ITPRID2: variants seen among roughly 807,000 people sequenced by gnomAD.
ITPRID2 encodes ITPR interacting domain containing 2.
A neutral mutation model predicts 124.3 loss-of-function variants in ITPRID2; 60 were observed. That is an observed-to-expected ratio of 0.48 (90% CI 0.39 to 0.60). The LOEUF (loss-of-function observed/expected upper bound fraction) is 0.60. Among genes scored for constraint, ITPRID2 ranks in the 20% least tolerant of loss-of-function variants. The probability of loss-of-function intolerance (pLI) is 0.00; values close to 1 mark genes in which losing one functional copy is unlikely to be tolerated. For synonymous variants in ITPRID2, 521 were observed against 542.9 expected (o/e 0.96, Z 0.56); for missense variants, 1,553 against 1,512.2 (o/e 1.03, Z -0.45).
At chr2:181,913,779 T>G in intron 9 of ITPRID2, 66 bp from the exon 10 acceptor site, 1 of 1,181,548 alleles carries the variant, frequency 8.5e-7, no homozygotes, top group Non-Finnish European at 1.2e-6. Flanking sequence ...TCTCAGTAAT[T>G]TCTTATAGCC....
chr2:181,917,720 C>T (rs1694181060), intron 11 of ITPRID2: 1 of 152,212 alleles, frequency 6.6e-6, no homozygotes, highest in African/African-American at 2.4e-5. Flanking sequence ...GGATTGTGCA[C>T]AGGTCTCTAA....
chr2:181,916,937 C>T, intron 11 of ITPRID2: 1 of 991,554 alleles, frequency 1.0e-6, no homozygotes, highest in Non-Finnish European at 1.2e-6. Context: ...CGATGCTGTG[C>T]ACAGAGTTAG....
At position 181,918,818 on chromosome 2, in the gene ITPRID2, G is replaced by A. The variant is rs372454015; in HGVS notation, c.2929G>A (p.Asp977Asn). Reference protein sequence around the residue: ...SLNLFRTQMMDLELAMLRQQT... With the variant: ...SLNLFRTQMMNLELAMLRQQT... Reference sequence around the variant, plus strand: ...GAATTTGTTTAGAACACAAATGATGGATTTAGAATTGGCAATGCTGCGTCA... The same window carrying A: ...GAATTTGTTTAGAACACAAATGATGAATTTAGAATTGGCAATGCTGCGTCA... Residue 977 changes from aspartate to asparagine, a missense_variant, in exon 13 of 18, where the codon GAT becomes AAT. Asp to Asn is a conservative substitution (Grantham distance 23). Coordinates refer to ENST00000431877, the MANE Select transcript of ITPRID2 (RefSeq NM_001130445.3). 1.2e-6 allele frequency: 2 copies of A among 1,614,074 alleles called. No individual in the cohort carries two copies. Among genetic ancestry groups the A allele is most frequent in the African/African-American group, 2.7e-5 (2 of 74,944 alleles).
rs1430966183 is a variant in ITPRID2 at position 181,915,899 on chromosome 2, T to C, written c.2259T>C (p.Ser753=). Residue 753 remains serine (S), a synonymous_variant, in exon 11 of 18, where the codon TCT becomes TCC. Transcript: ENST00000431877. ...TGAGCCCAGTAAGGGTTGTGTCCTC[T>C]GTCAATGTTCGATTATCTCCAGGAA... ...TLLSPVRVVS[S]VNVRLSPGKE... 1.9e-6 allele frequency: 3 copies of C among 1,614,242 alleles called. No individual in the cohort carries two copies. Among genetic ancestry groups the C allele is most frequent in the South Asian group, 1.1e-5 (1 of 91,090 alleles).
chr2:181,906,212 ATTG>A (rs1365058448), intron 8 of ITPRID2, among the ~76,000 whole-genome samples: 1 of 152,084 alleles, frequency 6.6e-6, no homozygotes, highest in Non-Finnish European at 1.5e-5. Context: ...CTCATTTGAT[ATTG>A]TTTTATAGCA....
rs757645407 is a variant in ITPRID2 at position 181,913,944 on chromosome 2, C to G, written c.1575+11C>G. On this transcript the variant is annotated intron_variant, in intron 10 of 17. Transcript: ENST00000431877. ...CTTAATCATCTTCAGGTAAAATTTT[C>G]TGTTCTAATAGGCACTATGATTAAC... is the stretch of plus-strand genomic sequence containing the variant. The G allele has an allele frequency of 1.3e-6, 2 of 1,598,182 alleles. No homozygotes were observed. The highest frequency in any genetic ancestry group is 4.5e-5 in the East Asian group (2 of 44,678).
chr2:181,917,824 G>C (rs1157741324), intron 11 of ITPRID2: 1 of 152,132 alleles, frequency 6.6e-6, no homozygotes, highest in African/African-American at 2.4e-5. Flanking sequence ...CGCCCACGTG[G>C]AGTGCTGGAG....
intron 5 of ITPRID2, 28 bp from the exon 6 acceptor site, chr2:181,898,986 G>C (rs765394612): frequency 6.3e-7 from 1 of 1,598,238 alleles, no homozygotes; most frequent in Non-Finnish European, 8.6e-7. Flanking sequence ...AAGTTATAAA[G>C]TTTTATATAA....
Position 181,910,619 on chromosome 2 carries a change from G to A in ITPRID2, c.1486+648G>A, listed in dbSNP as rs770988946. 9 of 704,264 alleles carry A rather than the reference G, an allele frequency of 1.3e-5. 1 individual carries two copies. The highest frequency in any genetic ancestry group is 9.3e-5 in the South Asian group (6 of 64,578). The allele number at this position is 704,264 out of a possible 1,614,324, so 43.6% of individuals were successfully genotyped here. A position where few individuals can be genotyped will look rare whatever the true frequency, so the allele number is the denominator to read the frequency against. ...AAGGGAAAGAGGAAGAAGTGAAAAT[G>A]ACCACTGAAGGTAGGACTGTTTATT... On this transcript the variant is annotated intron_variant, in intron 9 of 17. Transcript: ENST00000431877. The surrounding 1 kb of genome is among the most constrained non-coding windows in gnomAD (Gnocchi z 4.1).
chr2:181,895,283 G>C (rs1040307456), intron 2 of ITPRID2, among the ~76,000 whole-genome samples: 49 of 151,866 alleles, frequency 3.2e-4, no homozygotes, highest in African/African-American at 1.1e-3. Flanking sequence ...TGGTTTCAGA[G>C]AATTAAAAGT....
chr2:181,918,725 G>T lies in ITPRID2; in HGVS notation c.2866-30G>T, dbSNP rs757548406. 4.3e-6 allele frequency: 7 copies of T among 1,613,642 alleles called. No individual in the cohort carries two copies. In the Admixed American group the frequency reaches 1.2e-4, roughly 27 times the overall value. Reference sequence around the variant, plus strand: ...GTTCCAAAATAATTTGTAGAATTTAGAAGTGTAATTTTGTTATATTGCATT... The same window carrying T: ...GTTCCAAAATAATTTGTAGAATTTATAAGTGTAATTTTGTTATATTGCATT... On this transcript the variant is annotated intron_variant, in intron 12 of 17. Coordinates refer to ENST00000431877, the MANE Select transcript of ITPRID2 (RefSeq NM_001130445.3).
At chr2:181,895,897 G>T in intron 2 of ITPRID2, 133 bp from the exon 3 acceptor site, 1 of 721,432 alleles carries the variant, frequency 1.4e-6, no homozygotes, top group Non-Finnish European at 2.4e-6. Flanking sequence ...TGCATTCCTT[G>T]TGTGTTTTTG....
At chr2:181,898,194 T>G (rs1215776344) in intron 4 of ITPRID2, among the ~76,000 whole-genome samples, 1 of 152,070 alleles carries the variant, frequency 6.6e-6, no homozygotes, top group Non-Finnish European at 1.5e-5. Flanking sequence ...CACAAAATTG[T>G]CATAACTTTG....
At position 181,918,863 on chromosome 2, in the gene ITPRID2, C is replaced by T. The variant is rs1339115989; in HGVS notation, c.2974C>T (p.His992Tyr). 1 of 1,614,046 alleles carries T rather than the reference C, an allele frequency of 6.2e-7. No homozygotes were observed. Among genetic ancestry groups the T allele is most frequent in the South Asian group, 1.1e-5 (1 of 91,084 alleles). Residue 992 changes from histidine (H) to tyrosine (Y), a missense_variant, in exon 13 of 18, where the codon CAT becomes TAT. By Grantham distance (83) the His-to-Tyr change is moderately conservative. Coordinates refer to ENST00000431877, the MANE Select transcript of ITPRID2 (RefSeq NM_001130445.3). ...MLRQQTMVYH[H>Y]MTEEERFEVD... ...GCGTCAGCAAACCATGGTTTATCATCATATGACTGAGGAGGAGAGGTAAAA... is the reference window on the plus strand; with the variant it reads ...GCGTCAGCAAACCATGGTTTATCATTATATGACTGAGGAGGAGAGGTAAAA...
At chr2:181,912,667 C>T (rs1052542335) in intron 9 of ITPRID2, among the ~76,000 whole-genome samples, 5 of 151,988 alleles carry the variant, frequency 3.3e-5, no homozygotes, top group African/African-American at 9.7e-5. Context: ...TTTATTTAGC[C>T]TTTTGCTTTT....
At position 181,911,677 on chromosome 2, in the gene ITPRID2, G is replaced by A. The variant is rs556592735; in HGVS notation, c.1486+1706G>A. Among the ~76,000 whole-genome samples the A allele has an allele frequency of 7.2e-5, 11 of 152,082 alleles. No individual in the cohort carries two copies. The South Asian group carries it at 1.9e-3, about 26-fold the overall frequency. On this transcript the variant is annotated intron_variant, in intron 9 of 17. Coordinates refer to ENST00000431877, the MANE Select transcript of ITPRID2 (RefSeq NM_001130445.3). ...CTTTTTTATAGTTCCATCTTTTTCT[G>A]TTGAGAACTGTGTTTTTGGAAACAG...
At chr2:181,898,358 A>G (rs1019093159) in intron 4 of ITPRID2, among the ~76,000 whole-genome samples, 3 of 152,002 alleles carry the variant, frequency 2.0e-5, no homozygotes, top group Admixed American at 6.5e-5. Flanking sequence ...TTGAAAGGCA[A>G]TTTTTAAAAG....
In ITPRID2 at chr2:181,929,597, T is replaced by A. The variant is rs1172316050; in HGVS notation, c.*50T>A. ...TCCTATTAGCTGTGTAATACTGGAA[T>A]TATCAATGATATGCACTGGTGGAGG... On this transcript the variant is annotated 3_prime_UTR_variant, in exon 18 of 18. Transcript: ENST00000431877. 3 of 1,613,270 alleles carry A rather than the reference T, an allele frequency of 1.9e-6. No homozygotes were observed. The highest frequency in any genetic ancestry group is 2.5e-6 in the Non-Finnish European group (3 of 1,179,492).
rs762256291 is a variant in ITPRID2 at position 181,921,977 on chromosome 2, C to T, written c.3240C>T (p.Tyr1080=). The part of the protein sequence containing the change: ...PVTELMQEQS[Y]LKSELGLGLG... The stretch of plus-strand genomic sequence containing the variant: ...CTGAACTGATGCAGGAGCAGTCATA[C>T]CTGAAGTCTGAATTGGGCCTGGGAC... The change falls in exon 16 of 18, where the codon TAC becomes TAT. Residue 1080 remains tyrosine (Y), a synonymous_variant. Coordinates refer to ENST00000431877, the MANE Select transcript of ITPRID2 (RefSeq NM_001130445.3). The T allele has an allele frequency of 1.1e-5, 17 of 1,614,124 alleles. No homozygotes were observed. In the Admixed American group the frequency reaches 2.5e-4, roughly 24 times the overall value.
Sources: gnomAD v4.1 joint callset for allele counts (sites outside exome capture counted in the v4.1 genomes callset) on GRCh38, gnomAD v4.1.1 for gene constraint, Gnocchi (gnomAD v3.1) non-coding constraint, MANE v1.5 for transcripts, NCBI Gene and HGNC (gene_info 2026-07-23, HGNC 2026-07-21) for gene names.